KIAA1328: variants seen among roughly 807,000 people sequenced by gnomAD.
KIAA1328 encodes protein hinderin.
Under a neutral mutation model 68.1 loss-of-function variants are expected in KIAA1328, and 52 were observed. The observed-to-expected ratio is 0.76, with a 90% CI of 0.61 to 0.96. The LOEUF (loss-of-function observed/expected upper bound fraction) is 0.96, where lower values mean the gene tolerates loss of function less well. Ranked by LOEUF, KIAA1328 falls within the 40% of genes least tolerant of loss-of-function variation. The pLI is 0.00. For synonymous variants in KIAA1328, 232 were observed against 239.4 expected, an observed-to-expected ratio of 0.97 and a Z score of 0.28; for missense variants, 641 against 677.6, an observed-to-expected ratio of 0.95 and a Z score of 0.60.
chr18:36,962,784 C>G (rs1259597821), intron 6 of KIAA1328, among the ~76,000 whole-genome samples: 1 of 152,188 alleles, frequency 6.6e-6, no homozygotes, highest in African/African-American at 2.4e-5. Context: ...AACAGAGACA[C>G]AACGTGCCAG....
rs2059847243 is a variant in KIAA1328 at position 37,188,635 on chromosome 18, GCTTTTC to G, written c.1523+15556_1523+15561del. Among the ~76,000 whole-genome samples the G allele has an allele frequency of 2.0e-5, 3 of 152,162 alleles. No homozygotes were observed. In the South Asian group the frequency reaches 6.2e-4, roughly 32 times the overall value. On this transcript the variant is annotated intron_variant, in intron 9 of 9. Coordinates refer to ENST00000280020, the MANE Select transcript of KIAA1328 (RefSeq NM_020776.3). ...GCTTCAGCGCTGCTAGAGCTTCATTGCTTTTCCAGAACTGTCTCCTTCAGTAAGTTT... is the reference window on the plus strand; with the variant it reads ...GCTTCAGCGCTGCTAGAGCTTCATTGCAGAACTGTCTCCTTCAGTAAGTTT...
intron 7 of KIAA1328, among the ~76,000 whole-genome samples, chr18:37,090,376 G>T (rs890399948): frequency 6.6e-6 from 1 of 152,100 alleles, no homozygotes; most frequent in South Asian, 2.1e-4. Flanking sequence ...GATCATTCTC[G>T]TAACCATTCT....
At chr18:36,903,282 A>G (rs1234063111) in intron 5 of KIAA1328, among the ~76,000 whole-genome samples, 1 of 152,072 alleles carries the variant, frequency 6.6e-6, no homozygotes, top group African/African-American at 2.4e-5. Flanking sequence ...TGAATTTTGT[A>G]CCAATTTTAT....
intron 4 of KIAA1328, among the ~76,000 whole-genome samples, chr18:36,876,308 AT>A (rs965345269): frequency 1.3e-5 from 2 of 151,434 alleles, no homozygotes; most frequent in Admixed American, 6.6e-5. Context: ...GGACCAGACT[AT>A]TTTTTTGGTT....
intron 5 of KIAA1328, among the ~76,000 whole-genome samples, chr18:36,946,711 C>T (rs954455968): frequency 1.3e-5 from 2 of 152,064 alleles, no homozygotes; most frequent in Non-Finnish European, 2.9e-5. Context: ...AATATAATCT[C>T]TTTAAATTAA....
At chr18:37,068,550 T>G (rs1055313722) in intron 7 of KIAA1328, among the ~76,000 whole-genome samples, 1 of 152,240 alleles carries the variant, frequency 6.6e-6, no homozygotes, top group Non-Finnish European at 1.5e-5. Flanking sequence ...ATCGCAGTCT[T>G]AATTTGCATT....
chr18:37,007,679 A>G (rs533661563), intron 6 of KIAA1328, among the ~76,000 whole-genome samples: 1 of 152,322 alleles, frequency 6.6e-6, no homozygotes, highest in South Asian at 2.1e-4. Flanking sequence ...AAGAATAGCA[A>G]TAAAACCTTC....
rs1043844537 is a variant in KIAA1328, at chr18:36,983,019, G to T, written c.576+23584G>T. On this transcript the variant is annotated intron_variant, in intron 6 of 9. Transcript: ENST00000280020. ...TAGATGAACAAAGGGGATGATACTG[G>T]TTTTTTTAAAAAAATTAAGAAAAGG... Among the ~76,000 whole-genome samples, 8 of 151,768 alleles carry T rather than the reference G, an allele frequency of 5.3e-5. No homozygotes were observed. In the South Asian group the frequency reaches 6.2e-4, roughly 12 times the overall value.
At chr18:37,027,740 T>A (rs1321301437) in intron 6 of KIAA1328, among the ~76,000 whole-genome samples, 6 of 152,086 alleles carry the variant, frequency 3.9e-5, no homozygotes, top group Non-Finnish European at 8.8e-5. Context: ...AAGACTTACA[T>A]GTTAGACCTA....
At chr18:36,902,184 A>G (rs1294875955) in intron 5 of KIAA1328, 1 of 151,856 alleles carries the variant, frequency 6.6e-6, no homozygotes, top group African/African-American at 2.4e-5. Context: ...ATCCAGCCTC[A>G]CTTAGAAGTG....
At chr18:36,910,536 A>T (rs1051678765) in intron 5 of KIAA1328, among the ~76,000 whole-genome samples, 7 of 152,116 alleles carry the variant, frequency 4.6e-5, no homozygotes, top group African/African-American at 1.7e-4. Flanking sequence ...CTTATAGTAT[A>T]GTTTGAAGTC....
intron 7 of KIAA1328, among the ~76,000 whole-genome samples, chr18:37,127,562 A>T (rs192156375): frequency 6.6e-6 from 1 of 152,104 alleles, no homozygotes; most frequent in Non-Finnish European, 1.5e-5. Flanking sequence ...CAAAAATAAT[A>T]TAAAATAAAA....
chr18:36,873,578 A>G (rs1271803823), intron 4 of KIAA1328, among the ~76,000 whole-genome samples: 4 of 152,174 alleles, frequency 2.6e-5, no homozygotes, highest in African/African-American at 9.6e-5. Flanking sequence ...ACCAGGAAAC[A>G]GGGATCACTG....
intron 6 of KIAA1328, among the ~76,000 whole-genome samples, chr18:37,049,349 T>A (rs1227807399): frequency 2.0e-5 from 3 of 152,208 alleles, no homozygotes; most frequent in African/African-American, 7.2e-5. Flanking sequence ...CCTTGAATCA[T>A]GAGTAGAACT....
chr18:37,139,515 G>C (rs1418690363), intron 7 of KIAA1328, among the ~76,000 whole-genome samples: 2 of 152,112 alleles, frequency 1.3e-5, no homozygotes, highest in Non-Finnish European at 2.9e-5. Flanking sequence ...TTAAATGCTA[G>C]TTTATGGTTA....
intron 5 of KIAA1328, among the ~76,000 whole-genome samples, chr18:36,922,874 G>T (rs1032433798): frequency 6.6e-6 from 1 of 151,936 alleles, no homozygotes; most frequent in African/African-American, 2.4e-5. Context: ...GTCATTTTAC[G>T]TACTGCCTTG....
intron 6 of KIAA1328, among the ~76,000 whole-genome samples, chr18:37,008,268 T>C (rs1373012507): frequency 6.6e-6 from 1 of 152,218 alleles, no homozygotes; most frequent in African/African-American, 2.4e-5. Flanking sequence ...ACACAAGTAC[T>C]ATGCTATGCA....
At chr18:37,010,682 G>A (rs1321413072) in intron 6 of KIAA1328, among the ~76,000 whole-genome samples, 1 of 152,064 alleles carries the variant, frequency 6.6e-6, no homozygotes, top group African/African-American at 2.4e-5. Flanking sequence ...GGAAGAATAA[G>A]AGTTAATGTG....
chr18:37,112,909 G>T (rs1282087997), intron 7 of KIAA1328, among the ~76,000 whole-genome samples: 1 of 152,192 alleles, frequency 6.6e-6, no homozygotes, highest in Non-Finnish European at 1.5e-5. Flanking sequence ...AAGGGTGTCA[G>T]TGATTGAAGA....
Sources: allele counts gnomAD v4.1 joint callset (sites outside exome capture counted in the v4.1 genomes callset), GRCh38; gene constraint gnomAD v4.1.1; transcripts MANE v1.5; gene names NCBI Gene and HGNC (gene_info 2026-07-23, HGNC 2026-07-21).